Variants in SLMAP observed in about 807,000 individuals in gnomAD.
The protein encoded by SLMAP is sarcolemmal membrane-associated protein.
SLMAP carries 44 observed loss-of-function variants against 128.8 expected under a neutral mutation model. The ratio of observed to expected loss-of-function variants is 0.34; its 90% CI spans 0.27 to 0.44. SLMAP has a LOEUF of 0.44. Among genes scored for constraint, SLMAP ranks in the 20% least tolerant of loss-of-function variants. The pLI is 1.00. For synonymous variants in SLMAP, 327 were observed against 348.8 expected, an observed-to-expected ratio of 0.94 and a Z score of 0.70; for missense variants, 787 against 985.3, an observed-to-expected ratio of 0.80 and a Z score of 2.69.
At chr3:57,865,167 G>A (rs574264874) in intron 12 of SLMAP, 75 bp from the exon 13 acceptor site, 18 of 756,362 alleles carry the variant, frequency 2.4e-5, no homozygotes, top group Non-Finnish European at 3.8e-5. Flanking sequence ...AATGCAGAAT[G>A]CCATGGTTAC....
chr3:57,880,973 C>G (rs1235317848), intron 14 of SLMAP, among the ~76,000 whole-genome samples: 1 of 151,974 alleles, frequency 6.6e-6, no homozygotes, highest in Non-Finnish European at 1.5e-5. Context: ...GGGCAGATAA[C>G]GAGGTCAAGA....
chr3:57,874,719 C>T (rs891583366), intron 14 of SLMAP, among the ~76,000 whole-genome samples: 2 of 151,898 alleles, frequency 1.3e-5, no homozygotes, highest in African/African-American at 4.8e-5. Flanking sequence ...ATTAGCCAGG[C>T]GTGGTGGTGG....
At chr3:57,889,313 C>T (rs566849121) in intron 14 of SLMAP, among the ~76,000 whole-genome samples, 2 of 152,278 alleles carry the variant, frequency 1.3e-5, no homozygotes, top group South Asian at 4.1e-4. Flanking sequence ...GGAGCAGTTT[C>T]AATGGTTGAG....
intron 5 of SLMAP, among the ~76,000 whole-genome samples, chr3:57,849,039 G>A (rs897042342): frequency 3.4e-5 from 5 of 149,160 alleles, no homozygotes; most frequent in African/African-American, 7.4e-5. Context: ...ATGGAGTTTC[G>A]CTCTGTCGTC....
chr3:57,758,836 T>G (rs1022633910), intron 2 of SLMAP, among the ~76,000 whole-genome samples: 2 of 152,230 alleles, frequency 1.3e-5, no homozygotes, highest in African/African-American at 4.8e-5. Context: ...AACCTCAGGT[T>G]TTTAGCTGAG....
rs76546233 is a variant in SLMAP, at chr3:57,797,822, T to C, written c.199-33561T>C. 2.6e-5 allele frequency among the ~76,000 whole-genome samples: 4 copies of C among 152,326 alleles called. No homozygotes were observed. The East Asian group carries it at 7.7e-4, about 29-fold the overall frequency. On this transcript the variant is annotated intron_variant, in intron 2 of 24. Coordinates refer to ENST00000671191, the MANE Select transcript of SLMAP (RefSeq NM_001377540.1). ...TTTGCTTATCTGCAAAGTGATGAGT[T>C]GGGCTAAAATAGACAGTATGGTAGA...
rs1276862292 is a variant in SLMAP at position 57,756,786 on chromosome 3, A to C, written c.-866A>C. On this transcript the variant is annotated 5_prime_UTR_variant, in exon 2 of 25. Transcript: ENST00000671191. ...GTGCTGAGCGGCGGCCCAGAAGCCTAGGCGTCCGGGGACCAACTTCCTGCC... is the reference window on the plus strand; with the variant it reads ...GTGCTGAGCGGCGGCCCAGAAGCCTCGGCGTCCGGGGACCAACTTCCTGCC... 2 of 152,148 alleles carry C rather than the reference A, an allele frequency of 1.3e-5. No individual in the cohort carries two copies. The highest frequency in any genetic ancestry group is 2.9e-5 in the Non-Finnish European group (2 of 68,078). 9.4% of individuals were successfully genotyped at this position (152,148 alleles called of 1,614,324 possible). A position where few individuals can be genotyped will look rare whatever the true frequency, so the allele number is the denominator to read the frequency against.
chr3:57,916,060 G>A (rs1430154301), intron 21 of SLMAP, among the ~76,000 whole-genome samples: 1 of 151,956 alleles, frequency 6.6e-6, no homozygotes, highest in Non-Finnish European at 1.5e-5. Flanking sequence ...GAAGGCTAAG[G>A]CAGGAGAATC....
At chr3:57,892,743 G>A (rs775584168) in intron 15 of SLMAP, among the ~76,000 whole-genome samples, 3 of 151,228 alleles carry the variant, frequency 2.0e-5, no homozygotes, top group East Asian at 1.9e-4. Flanking sequence ...CCAGGAGTTC[G>A]AGACCAGCCT....
At chr3:57,767,065 C>A (rs1183555139) in intron 2 of SLMAP, among the ~76,000 whole-genome samples, 2 of 151,824 alleles carry the variant, frequency 1.3e-5, no homozygotes, top group Non-Finnish European at 2.9e-5. Flanking sequence ...ATGACAGGCA[C>A]CCCCCAGCAC....
chr3:57,902,731 T>A (rs990990709), intron 17 of SLMAP, among the ~76,000 whole-genome samples: 3 of 152,210 alleles, frequency 2.0e-5, no homozygotes, highest in Non-Finnish European at 4.4e-5. Flanking sequence ...ACTGAAAATT[T>A]AGAAATATTT....
At chr3:57,872,631 A>G (rs1244888560) in intron 14 of SLMAP, among the ~76,000 whole-genome samples, 1 of 152,238 alleles carries the variant, frequency 6.6e-6, no homozygotes, top group Non-Finnish European at 1.5e-5. Context: ...AAAGACAGAC[A>G]AACAAACAAA....
At chr3:57,896,694 A>T in intron 16 of SLMAP, 103 bp downstream of exon 16, 1 of 1,275,026 alleles carries the variant, frequency 7.8e-7, no homozygotes, top group Non-Finnish European at 1.1e-6. Flanking sequence ...TGGGGAAAAA[A>T]AAAACGCTTC....
At chr3:57,841,203 TA>T in intron 3 of SLMAP, 95 bp from the exon 4 acceptor site, 1 of 651,012 alleles carries the variant, frequency 1.5e-6, no homozygotes, top group South Asian at 2.7e-5. Context: ...GAGAAATTGT[TA>T]CTTTTAAGAA....
intron 2 of SLMAP, among the ~76,000 whole-genome samples, chr3:57,778,689 C>T (rs1241221093): frequency 6.6e-6 from 1 of 151,156 alleles, no homozygotes; most frequent in Non-Finnish European, 1.5e-5. Context: ...ATCTTCCCGT[C>T]CTCAGCCTCC....
intron 2 of SLMAP, among the ~76,000 whole-genome samples, chr3:57,786,069 TATA>T (rs1323846563): frequency 2.0e-5 from 3 of 152,252 alleles, no homozygotes; most frequent in Admixed American, 1.3e-4. Flanking sequence ...AACTGTTTAG[TATA>T]ATATTTTAGT....
At chr3:57,855,361 G>A (rs1267448531) in intron 6 of SLMAP, among the ~76,000 whole-genome samples, 2 of 151,966 alleles carry the variant, frequency 1.3e-5, no homozygotes, top group African/African-American at 4.8e-5. Context: ...CTGGATGACA[G>A]AGCAAGGCTC....
chr3:57,843,802 CAG>C (rs1324605376), intron 4 of SLMAP, among the ~76,000 whole-genome samples: 1 of 63,896 alleles, frequency 1.6e-5, no homozygotes, highest in Non-Finnish European at 2.8e-5. Flanking sequence ...TTTTTTGAGA[CAG>C]AATCTCACTT....
intron 2 of SLMAP, among the ~76,000 whole-genome samples, chr3:57,775,943 G>A (rs6768686): frequency 0.11 from 16,597 of 151,992 alleles, 3,078 homozygotes; most frequent in African/African-American, 0.38. Context: ...AGGTGATCCA[G>A]CTGCCTCGGC....
Sources: allele counts gnomAD v4.1 joint callset (sites outside exome capture counted in the v4.1 genomes callset), GRCh38; gene constraint gnomAD v4.1.1; transcripts MANE v1.5; gene names NCBI Gene and HGNC (gene_info 2026-07-23, HGNC 2026-07-21).